Variants in PLCB4 observed in about 807,000 individuals in gnomAD.
PLCB4 encodes 1-phosphatidylinositol 4,5-bisphosphate phosphodiesterase beta-4.
In PLCB4, 77 loss-of-function variants were observed where a neutral mutation model predicts 178.8. That is an observed-to-expected ratio of 0.43 (90% confidence interval 0.36 to 0.52). The LOEUF (loss-of-function observed/expected upper bound fraction) is 0.52. Among genes scored for constraint, PLCB4 ranks in the 20% least tolerant of loss-of-function variants. PLCB4 has a pLI of 0.00. For synonymous variants in PLCB4, 496 were observed against 490.8 expected (o/e 1.01, Z -0.14); for missense variants, 1,024 against 1,453.4 (o/e 0.70, Z 4.80).
At chr20:9,181,184 A>G (rs1001075291) in intron 2 of PLCB4, among the ~76,000 whole-genome samples, 2 of 152,166 alleles carry the variant, frequency 1.3e-5, no homozygotes, top group Non-Finnish European at 2.9e-5. Flanking sequence ...CCTCACTAAC[A>G]TTCTATTCAT....
intron 22 of PLCB4, 92 bp downstream of exon 22, chr20:9,408,150 T>G (rs780236520): frequency 3.1e-5 from 34 of 1,107,720 alleles, no homozygotes; most frequent in Non-Finnish European, 4.2e-5. Context: ...CCATTTTTCT[T>G]TGTGGGCATG....
intron 2 of PLCB4, among the ~76,000 whole-genome samples, chr20:9,098,713 A>T (rs555897015): frequency 6.9e-6 from 1 of 144,242 alleles, no homozygotes; most frequent in Non-Finnish European, 1.5e-5. Context: ...ATATACATAT[A>T]TACGTGTGTG....
chr20:9,406,298 A>G (rs1053254456), intron 21 of PLCB4, among the ~76,000 whole-genome samples: 1 of 152,164 alleles, frequency 6.6e-6, no homozygotes, highest in Non-Finnish European at 1.5e-5. Context: ...TTATTATTAA[A>G]CACACATGGA....
At chr20:9,256,635 G>A (rs2094239163) in intron 3 of PLCB4, among the ~76,000 whole-genome samples, 1 of 152,174 alleles carries the variant, frequency 6.6e-6, no homozygotes, top group East Asian at 1.9e-4. Flanking sequence ...TTTGGTGGCT[G>A]TTATATTTCG....
At chr20:9,446,033 G>C (rs2042393342) in intron 32 of PLCB4, among the ~76,000 whole-genome samples, 1 of 152,144 alleles carries the variant, frequency 6.6e-6, no homozygotes, top group Admixed American at 6.6e-5. Context: ...TGCTGTGGCG[G>C]GTGGTAATAA....
intron 2 of PLCB4, among the ~76,000 whole-genome samples, chr20:9,216,658 C>G (rs1315627976): frequency 1.4e-5 from 1 of 73,758 alleles, no homozygotes; most frequent in Non-Finnish European, 2.5e-5. Context: ...CACCACCACA[C>G]TTGGCTAATT....
chr20:9,347,471 A>G (rs2033921025), intron 7 of PLCB4, among the ~76,000 whole-genome samples: 1 of 152,170 alleles, frequency 6.6e-6, no homozygotes, highest in Non-Finnish European at 1.5e-5. Context: ...GAATGCTAAT[A>G]TTGACTTATT....
At chr20:9,248,655 A>C (rs1167447358) in intron 3 of PLCB4, among the ~76,000 whole-genome samples, 1 of 152,162 alleles carries the variant, frequency 6.6e-6, no homozygotes, top group Non-Finnish European at 1.5e-5. Context: ...TTTAAATCTG[A>C]CCTACTGACT....
chr20:9,161,965 T>G (rs1275283589), intron 2 of PLCB4, among the ~76,000 whole-genome samples: 2 of 152,214 alleles, frequency 1.3e-5, no homozygotes, highest in East Asian at 3.8e-4. Flanking sequence ...ATAATAGATG[T>G]TCAATGCAGC....
At chr20:9,232,220 A>G (rs1196663330) in intron 3 of PLCB4, among the ~76,000 whole-genome samples, 1 of 152,156 alleles carries the variant, frequency 6.6e-6, no homozygotes, top group Non-Finnish European at 1.5e-5. Flanking sequence ...ACAGGCCTCT[A>G]ATATCTTGAT....
At chr20:9,225,232 AT>A (rs1041655271) in intron 3 of PLCB4, among the ~76,000 whole-genome samples, 3 of 152,182 alleles carry the variant, frequency 2.0e-5, no homozygotes, top group Non-Finnish European at 2.9e-5. Context: ...CATAATATTA[AT>A]TTTTTTCAAC....
At chr20:9,351,013 C>T (rs1048233842) in intron 7 of PLCB4, among the ~76,000 whole-genome samples, 2 of 152,102 alleles carry the variant, frequency 1.3e-5, no homozygotes, top group South Asian at 2.1e-4. Context: ...TAGTACTTCC[C>T]GAATTAGTGG....
intron 3 of PLCB4, among the ~76,000 whole-genome samples, chr20:9,293,109 C>G (rs1033269938): frequency 4.1e-5 from 6 of 147,566 alleles, no homozygotes; most frequent in African/African-American, 1.5e-4. Flanking sequence ...GAGAGAGACA[C>G]CCAGAGAGAG....
chr20:9,279,212 G>A lies in PLCB4; in HGVS notation c.-15-28588G>A, dbSNP rs79784786. On this transcript the variant is annotated intron_variant, in intron 3 of 39. Coordinates refer to ENST00000378473, the MANE Select transcript of PLCB4 (RefSeq NM_001377142.1). ...GTTTGCTTGCCAATGTATTCCTTTT[G>A]TGTATTCCTTTATCTGTGAGTTCAT... Among the ~76,000 whole-genome samples, 335 of 152,158 alleles carry A rather than the reference G, an allele frequency of 2.2e-3. 1 individual carries two copies. Among genetic ancestry groups the A allele is most frequent in the Non-Finnish European group, 3.6e-3 (246 of 67,970 alleles).
chr20:9,140,589 G>A (rs1050242097), intron 2 of PLCB4, among the ~76,000 whole-genome samples: 7 of 151,976 alleles, frequency 4.6e-5, no homozygotes, highest in African/African-American at 1.7e-4. Context: ...GATCGCTCAT[G>A]ACTGTCTCGG....
chr20:9,477,281 G>T (rs1214116613), intron 39 of PLCB4, among the ~76,000 whole-genome samples: 1 of 152,170 alleles, frequency 6.6e-6, no homozygotes, highest in Non-Finnish European at 1.5e-5. Flanking sequence ...ATAATTTATT[G>T]TCCATACCAG....
intron 3 of PLCB4, among the ~76,000 whole-genome samples, chr20:9,304,694 C>T (rs1435859386): frequency 6.6e-6 from 1 of 152,022 alleles, no homozygotes; most frequent in Non-Finnish European, 1.5e-5. Context: ...TGTGATGCTG[C>T]GTGCTCACAT....
At chr20:9,324,973 A>G (rs1463082414) in intron 4 of PLCB4, among the ~76,000 whole-genome samples, 1 of 152,176 alleles carries the variant, frequency 6.6e-6, no homozygotes, top group East Asian at 1.9e-4. Flanking sequence ...TGTATTCAGC[A>G]TTGTCTATTA....
At chr20:9,246,013 G>A (rs2094121674) in intron 3 of PLCB4, among the ~76,000 whole-genome samples, 1 of 151,952 alleles carries the variant, frequency 6.6e-6, no homozygotes, top group African/African-American at 2.4e-5. Context: ...GTGGATACAG[G>A]GAGGGATAAA....
Sources: allele counts gnomAD v4.1 joint callset (sites outside exome capture counted in the v4.1 genomes callset), GRCh38; gene constraint gnomAD v4.1.1; transcripts MANE v1.5; gene names NCBI Gene and HGNC (gene_info 2026-07-23, HGNC 2026-07-21).